Variants in SNAPC5 observed in about 807,000 individuals in gnomAD.
SNAPC5 encodes the protein snRNA-activating protein complex subunit 5.
In SNAPC5, 12 loss-of-function variants were observed where a neutral mutation model predicts 9.1. The ratio of observed to expected loss-of-function variants is 1.32; its 90% CI spans 0.85 to 2.15. SNAPC5 has a LOEUF of 2.15. SNAPC5 is among the 30% of genes most tolerant of loss of function. The pLI is 0.00. For synonymous variants in SNAPC5, 52 were observed against 47.3 expected, an observed-to-expected ratio of 1.10 and a Z score of -0.41; for missense variants, 132 against 114.4, an observed-to-expected ratio of 1.15 and a Z score of -0.70.
At chr15:66,493,126 CA>C (rs1186534508), downstream of SNAPC5, among the ~76,000 whole-genome samples, 1 of 152,028 alleles carries the variant, frequency 6.6e-6, no homozygotes. Flanking sequence ...TGTGGATTAA[CA>C]AAAAAAGTAT....
downstream of SNAPC5, chr15:66,492,177 G>A (rs898839788): frequency 9.9e-6 from 4 of 402,424 alleles, no homozygotes; most frequent in Non-Finnish European, 2.0e-5. Flanking sequence ...AAGCCATTGG[G>A]AACTTCTTTT....
chr15:66,491,816 C>A (rs2140691136), downstream of SNAPC5: 2 of 387,410 alleles, frequency 5.2e-6, no homozygotes, highest in East Asian at 1.4e-4. Flanking sequence ...TTCCTTTGAT[C>A]TCTTTTATAC....
At position 66,497,721 on chromosome 15, in the gene SNAPC5, C is replaced by T. The variant is rs534091535; in HGVS notation, c.11G>A (p.Arg4Gln). 8.6e-5 allele frequency: 138 copies of T among 1,612,962 alleles called. No individual in the cohort carries two copies. In the South Asian group the frequency reaches 1.5e-3, roughly 17 times the overall value. MLS[R>Q]LQELRKEEET... is the part of the protein sequence containing the mutation. The stretch of plus-strand genomic sequence containing the variant: ...CTCCTCCTTGCGCAGTTCCTGAAGC[C>T]GGCTCAGCATGTTGCCTGGTCACAT... Residue 4 changes from arginine (R) to glutamine (Q), a missense_variant, in exon 1 of 3, where the codon CGG becomes CAG. Physicochemically the swap from Arg to Gln is conservative, Grantham distance 43. Transcript: ENST00000316634.
downstream of SNAPC5, chr15:66,491,814 A>G: frequency 2.6e-6 from 1 of 387,760 alleles, no homozygotes; most frequent in Non-Finnish European, 5.1e-6. Context: ...TATTCCTTTG[A>G]TCTCTTTTAT....
chr15:66,492,851 T>A (rs905642915), downstream of SNAPC5, among the ~76,000 whole-genome samples: 1 of 152,206 alleles, frequency 6.6e-6, no homozygotes, highest in Non-Finnish European at 1.5e-5. Flanking sequence ...CTAGAGCAGA[T>A]GTGAGTATCT....
intron 2 of SNAPC5, 178 bp downstream of exon 2, chr15:66,495,152 G>C: frequency 1.6e-6 from 1 of 632,606 alleles, no homozygotes; most frequent in Non-Finnish European, 2.9e-6. Flanking sequence ...ATAACTAGCT[G>C]GTAGGAAGGT....
chr15:66,491,925 A>C (rs970391534), downstream of SNAPC5: 3 of 455,022 alleles, frequency 6.6e-6, no homozygotes, highest in African/African-American at 2.0e-5. Context: ...ATATACCAAT[A>C]GTTGAGCTGA....
intron 1 of SNAPC5, among the ~76,000 whole-genome samples, chr15:66,496,704 T>G (rs1372071953): frequency 6.6e-6 from 1 of 150,820 alleles, no homozygotes; most frequent in Non-Finnish European, 1.5e-5. Context: ...AATTTTTTTT[T>G]GTAAGGCCGG....
downstream of SNAPC5, chr15:66,489,882 G>A (rs1893186623): frequency 1.1e-6 from 1 of 883,468 alleles, no homozygotes. Context: ...GTCCAGCTGA[G>A]CCTGGGGCTG....
chr15:66,494,772 C>T, intron 2 of SNAPC5: 1 of 475,088 alleles, frequency 2.1e-6, no homozygotes, highest in Non-Finnish European at 3.7e-6. Context: ...CATTTACAAA[C>T]ATTATTACAC....
chr15:66,489,806 A>G (rs772288069), downstream of SNAPC5: 34 of 1,511,808 alleles, frequency 2.2e-5, no homozygotes, highest in Non-Finnish European at 3.0e-5. Flanking sequence ...CTGTTTATTC[A>G]TTTGTTCTTC....
At chr15:66,493,296 A>C (rs1282975579), downstream of SNAPC5, among the ~76,000 whole-genome samples, 2 of 152,176 alleles carry the variant, frequency 1.3e-5, no homozygotes, top group African/African-American at 4.8e-5. Context: ...AGTATGCAGA[A>C]ATGAACCTCA....
At chr15:66,497,163 G>C (rs776472062) in intron 1 of SNAPC5, 1 of 212,212 alleles carries the variant, frequency 4.7e-6, no homozygotes, top group African/African-American at 2.3e-5. Context: ...TCTTCTCCCA[G>C]GGCCTCAGTT....
intron 2 of SNAPC5, chr15:66,494,832 T>G: frequency 2.7e-6 from 1 of 376,110 alleles, no homozygotes; most frequent in Non-Finnish European, 4.8e-6. Flanking sequence ...GTATCATGGT[T>G]TTAAATGTCT....
At position 66,494,460 on chromosome 15, in the gene SNAPC5, TTCC is replaced by T. The variant is rs749272921; in HGVS notation, c.270_272del (p.Glu95del). The T allele has an allele frequency of 2.2e-5, 36 of 1,610,996 alleles. No homozygotes were observed. The highest frequency in any genetic ancestry group is 1.7e-5 in the Admixed American group (1 of 59,968). On this transcript the variant is annotated inframe_deletion, in exon 3 of 3. Transcript: ENST00000316634. ...TTTAGGAATCTGATTCTTCTTCCTCTTCCTCCTCCTCCTCTTCCGTCACATGAC... is the reference window on the plus strand; with the variant it reads ...TTTAGGAATCTGATTCTTCTTCCTCTTCCTCCTCCTCTTCCGTCACATGAC...
Position 66,494,935 on chromosome 15 carries a change from A to G in SNAPC5, c.181-383T>C, listed in dbSNP as rs151262776. On this transcript the variant is annotated intron_variant, in intron 2 of 2. Coordinates refer to ENST00000316634, the MANE Select transcript of SNAPC5 (RefSeq NM_001329615.2). ...CATTTGGTAAGAGATGAGTATGATG[A>G]GAACTGGAGCTCATCTTTTAGCACT... The G allele has an allele frequency of 1.6e-3, 520 of 316,348 alleles. 1 individual carries two copies. The highest frequency in any genetic ancestry group is 0.01 in the African/African-American group (476 of 47,246). The allele number at this position is 316,348 out of a possible 1,614,324, so 19.6% of individuals were successfully genotyped here.
rs778893468 is a variant in SNAPC5, at chr15:66,497,759, G to A, written c.-28C>T. 1.3e-6 allele frequency: 2 copies of A among 1,574,522 alleles called. No individual in the cohort carries two copies. The highest frequency in any genetic ancestry group is 1.1e-5 in the South Asian group (1 of 89,674). On this transcript the variant is annotated 5_prime_UTR_variant, in exon 1 of 3. Transcript: ENST00000316634. ...TGCCTGGTCACATAGCCAACCTCCG[G>A]GCTGCTGTCGGCCCGGCACTCGGTG...
At chr15:66,490,902 G>A (rs184860087), downstream of SNAPC5, 306 of 504,082 alleles carry the variant, frequency 6.1e-4, 2 homozygotes, top group Middle Eastern at 9.3e-3. Flanking sequence ...AAATTTTGGT[G>A]AATGTGGGTA....
At chr15:66,492,119 T>C (rs1893277248), downstream of SNAPC5, 2 of 451,992 alleles carry the variant, frequency 4.4e-6, no homozygotes, top group African/African-American at 2.0e-5. Flanking sequence ...AGGAGGAATG[T>C]GCCTGGCGCT....
Sources: gnomAD v4.1 joint callset for allele counts (sites outside exome capture counted in the v4.1 genomes callset) on GRCh38, gnomAD v4.1.1 for gene constraint, MANE v1.5 for transcripts, NCBI Gene and HGNC (gene_info 2026-07-23, HGNC 2026-07-21) for gene names.